MAEL: variants seen among roughly 807,000 people sequenced by gnomAD.
The protein encoded by MAEL is protein maelstrom homolog.
A neutral mutation model predicts 62.0 loss-of-function variants in MAEL; 46 were observed. The ratio of observed to expected loss-of-function variants is 0.74; its 90% CI spans 0.59 to 0.95. MAEL has a LOEUF of 0.95. MAEL is among the 40% of genes least tolerant of loss of function. The probability of loss-of-function intolerance (pLI) is 0.00; values close to 1 mark genes in which losing one functional copy is unlikely to be tolerated. For missense variants in MAEL, 497 were observed against 526.8 expected (o/e 0.94, Z 0.55); for synonymous variants, 172 against 175.5 (o/e 0.98, Z 0.16).
intron 10 of MAEL, 150 bp from the exon 11 acceptor site, chr1:167,020,935 C>T (rs1665601338): frequency 1.5e-6 from 1 of 680,122 alleles, no homozygotes; most frequent in Non-Finnish European, 2.6e-6. Flanking sequence ...CTATTTTCTC[C>T]CCCTTTGCAG....
intron 8 of MAEL, among the ~76,000 whole-genome samples, chr1:167,014,592 G>A (rs878929863): frequency 1.3e-5 from 2 of 152,032 alleles, no homozygotes; most frequent in Admixed American, 1.3e-4. Context: ...GTGTTGTTAG[G>A]GTTTAAAAAC....
At chr1:167,012,082 T>C (rs1461595731) in intron 8 of MAEL, among the ~76,000 whole-genome samples, 2 of 152,176 alleles carry the variant, frequency 1.3e-5, no homozygotes, top group African/African-American at 2.4e-5. Context: ...TTCAAATGTA[T>C]GATATTTTAC....
At position 167,005,407 on chromosome 1, in the gene MAEL, G is replaced by A. The variant is rs1250010387; in HGVS notation, c.845+10G>A. 1 of 1,580,790 alleles carries A rather than the reference G, an allele frequency of 6.3e-7. No homozygotes were observed. Among genetic ancestry groups the A allele is most frequent in the Admixed American group, 1.9e-5 (1 of 53,692 alleles). ...ATTCTAGCAACACAAGGTATTGCTAGCATTTTTGTTTTAGAGTCATTTTGA... is the reference window on the plus strand; with the variant it reads ...ATTCTAGCAACACAAGGTATTGCTAACATTTTTGTTTTAGAGTCATTTTGA... On this transcript the variant is annotated intron_variant, in intron 8 of 11. Coordinates refer to ENST00000367872, the MANE Select transcript of MAEL (RefSeq NM_032858.3).
intron 1 of MAEL, among the ~76,000 whole-genome samples, chr1:166,980,622 A>C (rs1663732287): frequency 6.6e-6 from 1 of 152,150 alleles, no homozygotes; most frequent in Non-Finnish European, 1.5e-5. Context: ...TGCAACCTAT[A>C]ATTTCTCTGA....
rs141354287 is a variant in MAEL at position 166,980,372 on chromosome 1, G to A, written c.-121+4706G>A. 3.9e-4 allele frequency among the ~76,000 whole-genome samples: 59 copies of A among 152,194 alleles called. 1 individual carries two copies. Among genetic ancestry groups the A allele is most frequent in the Admixed American group, 1.9e-3 (29 of 15,278 alleles). On this transcript the variant is annotated intron_variant, in intron 1 of 12. Transcript: ENST00000622874. Reference sequence around the variant, plus strand: ...ATATTTCTATAATATAGGAAAAGGTGCTGGACAAAAGCTGTGCCCATGCCA... The same window carrying A: ...ATATTTCTATAATATAGGAAAAGGTACTGGACAAAAGCTGTGCCCATGCCA...
At position 166,989,723 on chromosome 1, in the gene MAEL, T is replaced by G; in HGVS notation, c.133-14T>G. 1 of 1,612,016 alleles carries G rather than the reference T, an allele frequency of 6.2e-7. No homozygotes were observed. The highest frequency in any genetic ancestry group is 8.5e-7 in the Non-Finnish European group (1 of 1,179,144). ...ACGGCTGTTTCTCTTCTTTGCTCCT[T>G]CAATCCCCAAAAGCTTCTGAGGGAG... On this transcript the variant is annotated splice_polypyrimidine_tract_variant and intron_variant, in intron 1 of 11. Transcript: ENST00000367872.
At chr1:167,002,063 G>A (rs182562846) in intron 5 of MAEL, among the ~76,000 whole-genome samples, 64 of 152,320 alleles carry the variant, frequency 4.2e-4, no homozygotes, top group Admixed American at 1.0e-3. Context: ...TTACAGGCGT[G>A]AGCCACTGTG....
At chr1:166,984,775 C>T (rs564856779), upstream of MAEL, among the ~76,000 whole-genome samples, 13 of 152,292 alleles carry the variant, frequency 8.5e-5, no homozygotes, top group African/African-American at 3.1e-4. Flanking sequence ...GGCTTTTACA[C>T]ATACTGTTCC....
intron 8 of MAEL, chr1:167,012,277 G>A (rs1366258659): frequency 2.6e-5 from 4 of 152,176 alleles, no homozygotes; most frequent in African/African-American, 9.7e-5. Flanking sequence ...GTGAAATTGA[G>A]TACAGTTAGG....
At chr1:167,011,495 G>T (rs1665171104) in intron 8 of MAEL, among the ~76,000 whole-genome samples, 1 of 151,920 alleles carries the variant, frequency 6.6e-6, no homozygotes, top group Admixed American at 6.6e-5. Context: ...ATACATTATT[G>T]TCCTCTGTGC....
At chr1:167,005,217 T>C (rs749791174) in intron 7 of MAEL, 39 bp from the exon 8 acceptor site, 1 of 1,610,996 alleles carries the variant, frequency 6.2e-7, no homozygotes, top group Non-Finnish European at 8.5e-7. Flanking sequence ...GGTATCTAAA[T>C]TTACTAATTG....
Position 166,991,481 on chromosome 1 carries a change from G to T in MAEL, c.325+4G>T. On this transcript the variant is annotated splice_donor_region_variant and intron_variant, in intron 3 of 11. Coordinates refer to ENST00000367872, the MANE Select transcript of MAEL (RefSeq NM_032858.3). ...TTGTCTTTAAAAGGTGATCAAGGTA[G>T]AGTAATCCTGAAATATTTTGCTGAG... is the stretch of plus-strand genomic sequence containing the variant. 1 of 1,565,376 alleles carries T rather than the reference G, an allele frequency of 6.4e-7. No individual in the cohort carries two copies. Among genetic ancestry groups the T allele is most frequent in the South Asian group, 1.1e-5 (1 of 90,012 alleles).
At chr1:166,987,536 G>A (rs956215155), upstream of MAEL, among the ~76,000 whole-genome samples, 4 of 152,164 alleles carry the variant, frequency 2.6e-5, no homozygotes, top group African/African-American at 9.7e-5. Flanking sequence ...GAATGGAATT[G>A]CTGGGTCCTA....
At chr1:166,997,762 G>A (rs941438545) in intron 5 of MAEL, among the ~76,000 whole-genome samples, 1 of 152,066 alleles carries the variant, frequency 6.6e-6, no homozygotes, top group African/African-American at 2.4e-5. Context: ...ATGGCGTTTT[G>A]TGTCTTATTC....
At chr1:166,984,001 C>CAAAAA (rs5778528) in intron 1 of MAEL, among the ~76,000 whole-genome samples, 39 of 117,716 alleles carry the variant, frequency 3.3e-4, no homozygotes, top group African/African-American at 9.5e-4. Flanking sequence ...GATCCTGTCT[C>CAAAAA]AAAAAAAAAA....
intron 1 of MAEL, among the ~76,000 whole-genome samples, chr1:166,976,813 G>C (rs188479500): frequency 8.7e-4 from 132 of 152,288 alleles, no homozygotes; most frequent in Non-Finnish European, 5.7e-4. Context: ...GTGAGAAATG[G>C]GAAGAATAGA....
upstream of MAEL, among the ~76,000 whole-genome samples, chr1:166,987,016 T>G (rs756448051): frequency 6.6e-6 from 1 of 151,866 alleles, no homozygotes; most frequent in South Asian, 2.1e-4. Flanking sequence ...TTTGTTTTTA[T>G]GCCAATGTTT....
At chr1:166,983,849 A>C (rs1205143343) in intron 1 of MAEL, among the ~76,000 whole-genome samples, 1 of 152,046 alleles carries the variant, frequency 6.6e-6, no homozygotes, top group Non-Finnish European at 1.5e-5. Context: ...AAAAAATACA[A>C]AAATTAGCTG....
intron 5 of MAEL, among the ~76,000 whole-genome samples, chr1:166,995,191 C>T (rs925685295): frequency 6.6e-6 from 1 of 151,818 alleles, no homozygotes; most frequent in African/African-American, 2.4e-5. Context: ...GGAATCAGGG[C>T]TGTAGGCTAT....
Sources: gnomAD v4.1 joint callset for allele counts (sites outside exome capture counted in the v4.1 genomes callset) on GRCh38, gnomAD v4.1.1 for gene constraint, MANE v1.5 for transcripts, NCBI Gene and HGNC (gene_info 2026-07-23, HGNC 2026-07-21) for gene names.